The following DPP10 variants were observed in gnomAD, a reference collection of about 807,000 sequenced individuals.
The protein encoded by DPP10 is inactive dipeptidyl peptidase 10.
In DPP10, 33 loss-of-function variants were observed where a neutral mutation model predicts 120.9. The ratio of observed to expected loss-of-function variants is 0.27; its 90% CI spans 0.21 to 0.37. The LOEUF (loss-of-function observed/expected upper bound fraction) is 0.37, where lower values mean the gene tolerates loss of function less well. Ranked by LOEUF, DPP10 falls within the 10% of genes least tolerant of loss-of-function variation. The probability of loss-of-function intolerance (pLI) is 1.00; values close to 1 mark genes in which losing one functional copy is unlikely to be tolerated. For synonymous variants in DPP10, 337 were observed against 326.1 expected (o/e 1.03, Z -0.36); for missense variants, 816 against 942.8 (o/e 0.87, Z 1.76).
intron 1 of DPP10, among the ~76,000 whole-genome samples, chr2:114,545,291 C>A (rs1449620756): frequency 6.6e-6 from 1 of 151,630 alleles, no homozygotes; most frequent in Non-Finnish European, 1.5e-5. Flanking sequence ...TAATTAATTT[C>A]ACTTTCATTT....
chr2:114,475,340 T>A (rs765011047), intron 1 of DPP10, among the ~76,000 whole-genome samples: 3 of 152,222 alleles, frequency 2.0e-5, no homozygotes, highest in Non-Finnish European at 4.4e-5. Flanking sequence ...ATATCAGGCC[T>A]CATATTATGG....
chr2:114,811,343 G>C (rs1186720423), intron 1 of DPP10, among the ~76,000 whole-genome samples: 1 of 152,080 alleles, frequency 6.6e-6, no homozygotes, highest in Non-Finnish European at 1.5e-5. Flanking sequence ...GAAGAGTCTA[G>C]GTGTTTATTC....
intron 1 of DPP10, among the ~76,000 whole-genome samples, chr2:114,906,299 G>A (rs1052203635): frequency 1.3e-5 from 2 of 151,626 alleles, no homozygotes; most frequent in Non-Finnish European, 2.9e-5. Flanking sequence ...CATGAGAATC[G>A]CTCAAACCTG....
intron 1 of DPP10, among the ~76,000 whole-genome samples, chr2:114,687,643 G>A (rs1019259520): frequency 2.0e-5 from 3 of 151,992 alleles, no homozygotes; most frequent in African/African-American, 7.2e-5. Context: ...ATGAACAGCT[G>A]TTCTGAAGCT....
chr2:115,457,137 T>TA (rs1047985490), intron 3 of DPP10, among the ~76,000 whole-genome samples: 1 of 151,818 alleles, frequency 6.6e-6, no homozygotes, highest in African/African-American at 2.4e-5. Context: ...CCAATTAATT[T>TA]AAAAAAATAG....
At chr2:115,456,926 A>T (rs1382245298) in intron 3 of DPP10, among the ~76,000 whole-genome samples, 1 of 151,778 alleles carries the variant, frequency 6.6e-6, no homozygotes, top group Non-Finnish European at 1.5e-5. Flanking sequence ...TGTGTAACAA[A>T]CCTGCACATT....
At chr2:114,973,587 G>A (rs1276825919) in intron 1 of DPP10, among the ~76,000 whole-genome samples, 4 of 147,806 alleles carry the variant, frequency 2.7e-5, no homozygotes, top group African/African-American at 1.0e-4. Context: ...GCATGAACCC[G>A]GGAGGTGGAG....
chr2:114,896,220 C>G (rs939784640), intron 1 of DPP10, among the ~76,000 whole-genome samples: 4 of 152,208 alleles, frequency 2.6e-5, no homozygotes, highest in African/African-American at 7.2e-5. Context: ...GATGCGGGCT[C>G]TTTTTTGGTT....
chr2:114,582,453 C>T (rs1285517364), intron 1 of DPP10, among the ~76,000 whole-genome samples: 1 of 152,136 alleles, frequency 6.6e-6, no homozygotes, highest in Non-Finnish European at 1.5e-5. Flanking sequence ...TTTGTAAATG[C>T]CAAGGAACTG....
intron 1 of DPP10, among the ~76,000 whole-genome samples, chr2:114,790,199 G>T (rs1683121309): frequency 6.6e-6 from 1 of 152,218 alleles, no homozygotes; most frequent in South Asian, 2.1e-4. Context: ...GCACTTAGTG[G>T]ATATGCTTGC....
intron 1 of DPP10, among the ~76,000 whole-genome samples, chr2:114,777,947 T>C (rs905974274): frequency 6.6e-6 from 1 of 152,110 alleles, no homozygotes; most frequent in African/African-American, 2.4e-5. Context: ...GCATGGACTT[T>C]AGGGTCAATA....
intron 5 of DPP10, among the ~76,000 whole-genome samples, chr2:115,537,767 G>A (rs1386242871): frequency 3.3e-5 from 5 of 151,948 alleles, no homozygotes; most frequent in Admixed American, 6.6e-5. Context: ...AGGGTTTCTA[G>A]AAGGGCTTGG....
intron 1 of DPP10, among the ~76,000 whole-genome samples, chr2:115,014,648 A>T (rs1242079025): frequency 3.9e-5 from 6 of 152,152 alleles, no homozygotes; most frequent in Admixed American, 2.6e-4. Context: ...ATAAAAAATG[A>T]TAAAGGGCAT....
At chr2:115,525,220 T>G (rs2078056096) in intron 4 of DPP10, among the ~76,000 whole-genome samples, 1 of 152,162 alleles carries the variant, frequency 6.6e-6, no homozygotes, top group South Asian at 2.1e-4. Context: ...AGACGTGAAT[T>G]AGACAAATAT....
intron 2 of DPP10, among the ~76,000 whole-genome samples, chr2:115,337,983 T>C (rs943869898): frequency 2.0e-4 from 30 of 152,170 alleles, no homozygotes; most frequent in African/African-American, 7.2e-4. Flanking sequence ...TTTATAGTTA[T>C]TTGAATTGCT....
chr2:114,756,025 G>A (rs1452570054), intron 1 of DPP10, among the ~76,000 whole-genome samples: 7 of 151,086 alleles, frequency 4.6e-5, no homozygotes, highest in Admixed American at 4.6e-4. Context: ...GATTGTACTT[G>A]CTCTTAAAAA....
chr2:115,605,702 ACT>A (rs914345212), intron 5 of DPP10, among the ~76,000 whole-genome samples: 7 of 151,528 alleles, frequency 4.6e-5, no homozygotes, highest in Non-Finnish European at 1.0e-4. Context: ...AGTAAAATTT[ACT>A]CTCTCTCTCT....
At chr2:114,855,948 T>TAA (rs5833565) in intron 1 of DPP10, among the ~76,000 whole-genome samples, 32 of 143,554 alleles carry the variant, frequency 2.2e-4, no homozygotes, top group African/African-American at 4.1e-4. Flanking sequence ...TCCCTCAGGC[T>TAA]AAAAAAAAAA....
In DPP10 at chr2:115,201,864, A is replaced by G. The variant is rs1021666963; in HGVS notation, c.61-107375A>G. The stretch of plus-strand genomic sequence containing the variant: ...GGAAAACTTGAAGTTAAAAAAAAAA[A>G]TCCTTATTTGAAGAAGGAAAACATT... On this transcript the variant is annotated intron_variant, in intron 1 of 25. Transcript: ENST00000410059. 3.6e-4 allele frequency among the ~76,000 whole-genome samples: 53 copies of G among 146,734 alleles called. 2 individuals are homozygous for G. The East Asian group carries it at 9.1e-3, about 25-fold the overall frequency.
Sources: gnomAD v4.1 joint callset for allele counts (sites outside exome capture counted in the v4.1 genomes callset) on GRCh38, gnomAD v4.1.1 for gene constraint, MANE v1.5 for transcripts, NCBI Gene and HGNC (gene_info 2026-07-23, HGNC 2026-07-21) for gene names.